Variants in CREB5 observed in about 807,000 individuals in gnomAD.
The protein encoded by CREB5 is cAMP responsive element binding protein 5, also known as cyclic AMP-responsive element-binding protein 5.
CREB5 carries 19 observed loss-of-function variants against 57.1 expected under a neutral mutation model. That is an observed-to-expected ratio of 0.33 (90% CI 0.23 to 0.49). The LOEUF is 0.49. Among genes scored for constraint, CREB5 ranks in the 20% least tolerant of loss-of-function variants. The probability of loss-of-function intolerance (pLI) is 0.99; values close to 1 mark genes in which losing one functional copy is unlikely to be tolerated. For synonymous variants in CREB5, 238 were observed against 238.3 expected (o/e 1.00, Z 0.01); for missense variants, 579 against 671.6 (o/e 0.86, Z 1.52).
intron 7 of CREB5, among the ~76,000 whole-genome samples, chr7:28,775,543 C>CATATATATATATATATATATACATAT (rs1806572441): frequency 8.3e-6 from 1 of 120,632 alleles, no homozygotes; most frequent in African/African-American, 3.3e-5. Context: ...ATTCCTTAGC[C>CATATATATATATATATATATACATAT]ATATATATAT....
At chr7:28,575,485 T>G (rs1254721879) in intron 5 of CREB5, among the ~76,000 whole-genome samples, 2 of 152,216 alleles carry the variant, frequency 1.3e-5, no homozygotes, top group Admixed American at 6.5e-5. Flanking sequence ...TTTAAGAGCT[T>G]CCTAAAGCTC....
chr7:28,740,977 G>A (rs1031386659), intron 7 of CREB5, among the ~76,000 whole-genome samples: 6 of 148,432 alleles, frequency 4.0e-5, no homozygotes, highest in African/African-American at 1.5e-4. Flanking sequence ...CATTATGAAC[G>A]TATTACCTGG....
At chr7:28,515,243 G>A (rs1792893323) in intron 4 of CREB5, among the ~76,000 whole-genome samples, 1 of 152,164 alleles carries the variant, frequency 6.6e-6, no homozygotes, top group African/African-American at 2.4e-5. Context: ...TGTCAAGAGA[G>A]ACAAAAAGGG....
intron 1 of CREB5, among the ~76,000 whole-genome samples, chr7:28,382,818 C>T (rs139768981): frequency 9.9e-5 from 15 of 151,824 alleles, no homozygotes; most frequent in Non-Finnish European, 2.1e-4. Context: ...AGAGGAGATA[C>T]GAGATCAAGA....
At chr7:28,697,106 A>G (rs1801617281) in intron 5 of CREB5, among the ~76,000 whole-genome samples, 1 of 152,122 alleles carries the variant, frequency 6.6e-6, no homozygotes, top group Non-Finnish European at 1.5e-5. Flanking sequence ...TTTATGGAAT[A>G]ATACTTAATT....
chr7:28,705,500 C>T (rs1802065892), intron 5 of CREB5, among the ~76,000 whole-genome samples: 1 of 152,142 alleles, frequency 6.6e-6, no homozygotes, highest in South Asian at 2.1e-4. Context: ...TACTGTCAGT[C>T]ACTTTCCGTT....
At chr7:28,625,326 T>C (rs1315641409) in intron 5 of CREB5, among the ~76,000 whole-genome samples, 1 of 152,110 alleles carries the variant, frequency 6.6e-6, no homozygotes, top group Non-Finnish European at 1.5e-5. Flanking sequence ...GGCTCTTTCC[T>C]CCATCATTCT....
chr7:28,647,581 C>G (rs41324), intron 5 of CREB5, among the ~76,000 whole-genome samples: 314 of 152,168 alleles, frequency 2.1e-3, no homozygotes, highest in African/African-American at 7.3e-3. Context: ...CTTGTAATTC[C>G]GGAAATCTGC....
At chr7:28,717,489 C>G (rs560823142) in intron 5 of CREB5, among the ~76,000 whole-genome samples, 1 of 152,226 alleles carries the variant, frequency 6.6e-6, no homozygotes, top group East Asian at 1.9e-4. Context: ...GGCATTCTGT[C>G]CCCCACCTCA....
At chr7:28,420,224 C>A (rs1477786992) in intron 1 of CREB5, among the ~76,000 whole-genome samples, 1 of 151,922 alleles carries the variant, frequency 6.6e-6, no homozygotes, top group Non-Finnish European at 1.5e-5. Flanking sequence ...GAGTCTTTAA[C>A]CTAAAGTTCA....
chr7:28,613,150 G>T (rs1797461381), intron 5 of CREB5, among the ~76,000 whole-genome samples: 2 of 152,200 alleles, frequency 1.3e-5, no homozygotes, highest in Non-Finnish European at 2.9e-5. Context: ...CATTCGTGAA[G>T]TAGCAGGGGC....
rs374897586 is a variant in CREB5, at chr7:28,570,527, C to T, written c.454C>T (p.Arg152Cys). 48 of 1,613,700 alleles carry T rather than the reference C, an allele frequency of 3.0e-5. No homozygotes were observed. The highest frequency in any genetic ancestry group is 2.2e-4 in the Admixed American group (13 of 59,968). The change falls in exon 5 of 11, where the codon CGC (arginine) becomes TGC (cysteine). Residue 152 changes from arginine (R) to cysteine (C), a missense_variant. Around this residue, in one of 3 missense-constraint regions of CREB5, gnomAD observed 459 missense variants for 515.7 expected, o/e 0.89. Transcript: ENST00000357727. ...CATCACTCAGGCACCTTCCACCAAC[C>T]GCCAGATCGGGTAAGGAGCCCTCCT... The part of the protein sequence containing the change: ...SVITQAPSTN[R>C]QIGPVPGSLS...
intron 1 of CREB5, 27 bp downstream of exon 1, chr7:28,412,944 TAAAC>T (rs774072268): frequency 5.2e-5 from 74 of 1,411,360 alleles, no homozygotes; most frequent in Non-Finnish European, 6.7e-5. Flanking sequence ...TTATGCATAT[TAAAC>T]AGAGAGAAAA....
chr7:28,335,240 T>C (rs1004054936), intron 1 of CREB5, among the ~76,000 whole-genome samples: 8 of 152,172 alleles, frequency 5.3e-5, no homozygotes, highest in African/African-American at 1.7e-4. Flanking sequence ...AAGAATGTCA[T>C]TGGTATTTTA....
intron 1 of CREB5, among the ~76,000 whole-genome samples, chr7:28,351,623 T>A (rs1786187650): frequency 6.6e-6 from 1 of 152,206 alleles, no homozygotes; most frequent in Non-Finnish European, 1.5e-5. Flanking sequence ...TCTATGAACA[T>A]CTGTTTCCCA....
intron 7 of CREB5, among the ~76,000 whole-genome samples, chr7:28,773,378 G>A (rs1293617620): frequency 6.6e-6 from 1 of 152,176 alleles, no homozygotes. Flanking sequence ...ATTACCTAAA[G>A]TTGGTTTCCA....
intron 2 of CREB5, among the ~76,000 whole-genome samples, chr7:28,493,740 TCAGA>T (rs971463457): frequency 6.6e-6 from 1 of 152,128 alleles, no homozygotes; most frequent in African/African-American, 2.4e-5. Context: ...TGACCAGAAG[TCAGA>T]CAGCCAAAAA....
chr7:28,574,239 T>G (rs1192202729), intron 5 of CREB5, among the ~76,000 whole-genome samples: 2 of 152,272 alleles, frequency 1.3e-5, no homozygotes, highest in African/African-American at 2.4e-5. Context: ...TAAATAGAGA[T>G]AAAATCGATC....
chr7:28,816,508 G>T (rs1041510786), intron 9 of CREB5, among the ~76,000 whole-genome samples: 3 of 152,174 alleles, frequency 2.0e-5, no homozygotes, highest in Non-Finnish European at 4.4e-5. Flanking sequence ...TAAAAATAAA[G>T]TTTGGAAGAG....
Sources: allele counts gnomAD v4.1 joint callset (sites outside exome capture counted in the v4.1 genomes callset), GRCh38; gene constraint gnomAD v4.1.1; regional missense constraint gnomAD v4.1.1; transcripts MANE v1.5; gene names NCBI Gene and HGNC (gene_info 2026-07-23, HGNC 2026-07-21).